CACNA2D3: variants seen among roughly 807,000 people sequenced by gnomAD.
CACNA2D3 encodes calcium voltage-gated channel auxiliary subunit alpha2delta 3.
Under a neutral mutation model 160.6 loss-of-function variants are expected in CACNA2D3, and 60 were observed. That is an observed-to-expected ratio of 0.37 (90% CI 0.30 to 0.46). The LOEUF (loss-of-function observed/expected upper bound fraction) is 0.46. CACNA2D3 is among the 20% of genes least tolerant of loss of function. The pLI is 1.00. For missense variants in CACNA2D3, 1,205 were observed against 1,365.0 expected, an observed-to-expected ratio of 0.88 and a Z score of 1.85; for synonymous variants, 558 against 492.9, an observed-to-expected ratio of 1.13 and a Z score of -1.75.
In CACNA2D3 at chr3:54,181,853, A is replaced by G. The variant is rs59967564; in HGVS notation, c.204+58259A>G. 5.4e-3 allele frequency among the ~76,000 whole-genome samples: 816 copies of G among 152,260 alleles called. 3 individuals are homozygous for G. Among genetic ancestry groups the G allele is most frequent in the African/African-American group, 0.017 (717 of 41,552 alleles). On this transcript the variant is annotated intron_variant, in intron 2 of 37. Coordinates refer to ENST00000474759, the MANE Select transcript of CACNA2D3 (RefSeq NM_018398.3). ...GATAGGACCCCCTCATGGCATGATTATAAGAGAGAAATGAAACCGTGGGTG... is the reference window on the plus strand; with the variant it reads ...GATAGGACCCCCTCATGGCATGATTGTAAGAGAGAAATGAAACCGTGGGTG...
chr3:54,822,022 G>C (rs1442254580), intron 14 of CACNA2D3, among the ~76,000 whole-genome samples: 1 of 152,140 alleles, frequency 6.6e-6, no homozygotes, highest in South Asian at 2.1e-4. Context: ...GCAAAACTGA[G>C]AACTGATAAC....
At chr3:54,285,694 A>G (rs1703000794) in intron 2 of CACNA2D3, among the ~76,000 whole-genome samples, 1 of 152,220 alleles carries the variant, frequency 6.6e-6, no homozygotes, top group South Asian at 2.1e-4. Flanking sequence ...AGGGGCAGAC[A>G]GACACATCAC....
In CACNA2D3 at chr3:54,736,052, CATATGTATGTATATATATAT is replaced by C. The variant is rs1391587828; in HGVS notation, c.1168-16545_1168-16526del. Among the ~76,000 whole-genome samples, 21 of 47,246 alleles carry C rather than the reference CATATGTATGTATATATATAT, an allele frequency of 4.4e-4. 2 individuals carry two copies. The highest frequency in any genetic ancestry group is 6.3e-4 in the Non-Finnish European group (15 of 23,856). 31.0% of individuals were successfully genotyped at this position (47,246 alleles called of 152,430 possible). A position where few individuals can be genotyped will look rare whatever the true frequency, so the allele number is the denominator to read the frequency against. On this transcript the variant is annotated intron_variant, in intron 11 of 37. Transcript: ENST00000474759. ...ATATATATGTATATATATACACATACATATGTATGTATATATATATACATATATATGTATGTGTATATATA... is the reference window on the plus strand; with the variant it reads ...ATATATATGTATATATATACACATACACATATATATGTATGTGTATATATA...
intron 4 of CACNA2D3, among the ~76,000 whole-genome samples, chr3:54,467,869 G>A (rs1215739666): frequency 6.6e-6 from 1 of 152,126 alleles, no homozygotes; most frequent in Admixed American, 6.5e-5. Flanking sequence ...CTGGAAGAGA[G>A]GTTTTGAAAG....
rs141925587 is a variant in CACNA2D3, at chr3:54,905,383, C to T, written c.2449+5515C>T. On this transcript the variant is annotated intron_variant, in intron 27 of 37. Transcript: ENST00000474759. ...CTGAATGCAGTATTTACTATGGGCCCTTCATTAGAGTTAGGTGAATAATGC... is the reference window on the plus strand; with the variant it reads ...CTGAATGCAGTATTTACTATGGGCCTTTCATTAGAGTTAGGTGAATAATGC... 2.1e-3 allele frequency among the ~76,000 whole-genome samples: 326 copies of T among 152,208 alleles called. 2 individuals are homozygous for T. Among genetic ancestry groups the T allele is most frequent in the African/African-American group, 7.4e-3 (309 of 41,518 alleles).
intron 11 of CACNA2D3, among the ~76,000 whole-genome samples, chr3:54,678,720 CAAAAAAAAAAAAAA>C (rs71096434): frequency 4.4e-5 from 2 of 45,902 alleles, no homozygotes; most frequent in East Asian, 1.7e-3. Flanking sequence ...GACTCGGTCT[CAAAAAAAAAAAAAA>C]AAAAAAAAAA....
At chr3:54,725,577 G>A (rs1701260737) in intron 11 of CACNA2D3, among the ~76,000 whole-genome samples, 1 of 152,138 alleles carries the variant, frequency 6.6e-6, no homozygotes, top group African/African-American at 2.4e-5. Context: ...AATCAAGTCA[G>A]CCTCATACCT....
At chr3:54,789,391 C>G (rs1017292955) in intron 13 of CACNA2D3, among the ~76,000 whole-genome samples, 2 of 152,158 alleles carry the variant, frequency 1.3e-5, no homozygotes, top group African/African-American at 4.8e-5. Context: ...TTGTCCTTTG[C>G]TGAAACTTTG....
intron 2 of CACNA2D3, among the ~76,000 whole-genome samples, chr3:54,312,156 G>A (rs1263321196): frequency 6.6e-6 from 1 of 152,086 alleles, no homozygotes; most frequent in Non-Finnish European, 1.5e-5. Context: ...ATTTCAGGTC[G>A]CAGACTTCAA....
At chr3:54,454,642 T>G (rs1488234115) in intron 4 of CACNA2D3, among the ~76,000 whole-genome samples, 2 of 152,170 alleles carry the variant, frequency 1.3e-5, no homozygotes, top group African/African-American at 4.8e-5. Flanking sequence ...TTTAAAAATA[T>G]ACAATAAATT....
chr3:54,251,852 C>T (rs572975594), intron 2 of CACNA2D3, among the ~76,000 whole-genome samples: 33 of 152,266 alleles, frequency 2.2e-4, no homozygotes, highest in African/African-American at 6.7e-4. Context: ...TGTCATAAAA[C>T]GATTTCACTT....
chr3:54,169,697 GTGTGTGTGCAAGTGTGCA>G (rs1700525610), intron 2 of CACNA2D3, among the ~76,000 whole-genome samples: 3 of 134,104 alleles, frequency 2.2e-5, no homozygotes, highest in South Asian at 5.0e-4. Context: ...GTGTGTGCAT[GTGTGTGTGCAAGTGTGCA>G]TGTGTGCAAG....
At position 55,022,243 on chromosome 3, in the gene CACNA2D3, G is replaced by A. The variant is rs146671756; in HGVS notation, c.2987+3926G>A. Among the ~76,000 whole-genome samples the A allele has an allele frequency of 1.3e-3, 199 of 152,084 alleles. 2 individuals carry two copies. Among genetic ancestry groups the A allele is most frequent in the African/African-American group, 4.6e-3 (192 of 41,504 alleles). On this transcript the variant is annotated intron_variant, in intron 35 of 37. Coordinates refer to ENST00000474759, the MANE Select transcript of CACNA2D3 (RefSeq NM_018398.3). Reference sequence around the variant, plus strand: ...CTCTTTATACATGAAAGTGCTTTATGCCCTAATGTCTATTTGGTTTGCTAA... The same window carrying A: ...CTCTTTATACATGAAAGTGCTTTATACCCTAATGTCTATTTGGTTTGCTAA...
chr3:54,745,160 G>T (rs1701731061), intron 11 of CACNA2D3, among the ~76,000 whole-genome samples: 1 of 152,226 alleles, frequency 6.6e-6, no homozygotes, highest in Non-Finnish European at 1.5e-5. Flanking sequence ...AGATGAGTGG[G>T]CAGAGAGAGA....
intron 9 of CACNA2D3, among the ~76,000 whole-genome samples, chr3:54,620,728 G>C (rs1428636612): frequency 2.0e-5 from 3 of 152,174 alleles, no homozygotes; most frequent in Non-Finnish European, 2.9e-5. Context: ...CAGGGACGTA[G>C]AGAGCTGGGC....
chr3:54,175,701 C>T (rs951541140), intron 2 of CACNA2D3, among the ~76,000 whole-genome samples: 8 of 151,742 alleles, frequency 5.3e-5, no homozygotes, highest in African/African-American at 1.5e-4. Context: ...CAGGCGCCCT[C>T]GGAATGAAGA....
chr3:54,791,316 G>A (rs1201419202), intron 13 of CACNA2D3, among the ~76,000 whole-genome samples: 2 of 152,210 alleles, frequency 1.3e-5, no homozygotes, highest in Admixed American at 1.3e-4. Flanking sequence ...CCCAGAGGGT[G>A]TAAGAACCAC....
At chr3:54,869,843 G>A (rs988091962) in intron 17 of CACNA2D3, among the ~76,000 whole-genome samples, 3 of 152,188 alleles carry the variant, frequency 2.0e-5, no homozygotes, top group Non-Finnish European at 2.9e-5. Context: ...ATGCACACAG[G>A]AACTTTCCTT....
intron 3 of CACNA2D3, among the ~76,000 whole-genome samples, chr3:54,385,462 C>T (rs1030064965): frequency 5.3e-5 from 8 of 152,070 alleles, no homozygotes; most frequent in African/African-American, 1.9e-4. Context: ...TGTTCTTTGA[C>T]CAGTGAAGGA....
Sources: allele counts gnomAD v4.1 joint callset (sites outside exome capture counted in the v4.1 genomes callset), GRCh38; gene constraint gnomAD v4.1.1; transcripts MANE v1.5; gene names NCBI Gene and HGNC (gene_info 2026-07-23, HGNC 2026-07-21).